The following ZNF423 variants were observed in gnomAD, a reference collection of about 807,000 sequenced individuals.
The protein encoded by ZNF423 is Ebf-associated zinc finger protein.
Under a neutral mutation model 95.8 loss-of-function variants are expected in ZNF423, and 12 were observed. The ratio of observed to expected loss-of-function variants is 0.13; its 90% CI spans 0.08 to 0.20. The LOEUF is 0.20. Ranked by LOEUF, ZNF423 falls within the 10% of genes least tolerant of loss-of-function variation. The probability of loss-of-function intolerance (pLI) is 1.00; values close to 1 mark genes in which losing one functional copy is unlikely to be tolerated. For synonymous variants in ZNF423, 749 were observed against 711.9 expected, an observed-to-expected ratio of 1.05 and a Z score of -0.83; for missense variants, 1,316 against 1,737.1, an observed-to-expected ratio of 0.76 and a Z score of 4.31.
At chr16:49,836,481 C>T (rs1390407980) in intron 1 of ZNF423, among the ~76,000 whole-genome samples, 1 of 152,090 alleles carries the variant, frequency 6.6e-6, no homozygotes, top group Non-Finnish European at 1.5e-5. Flanking sequence ...AAGATTCCGG[C>T]ATGGTGCTGG....
At chr16:49,575,376 A>G (rs1970464603) in intron 5 of ZNF423, among the ~76,000 whole-genome samples, 1 of 152,176 alleles carries the variant, frequency 6.6e-6, no homozygotes, top group South Asian at 2.1e-4. Context: ...AAACAAGCCC[A>G]ACGCAAAACT....
At chr16:49,582,310 G>A (rs1970699442) in intron 5 of ZNF423, among the ~76,000 whole-genome samples, 1 of 152,110 alleles carries the variant, frequency 6.6e-6, no homozygotes, top group African/African-American at 2.4e-5. Context: ...CAAACTCCAA[G>A]CCACTCTTCA....
chr16:49,823,648 G>GA (rs34244506), intron 1 of ZNF423, among the ~76,000 whole-genome samples: 1 of 150,936 alleles, frequency 6.6e-6, no homozygotes, highest in Non-Finnish European at 1.5e-5. Flanking sequence ...CTTGTTGGGG[G>GA]AAAAAAAAAG....
In ZNF423 at chr16:49,488,504, A is replaced by G. The variant is rs1249843536; in HGVS notation, c.*2771T>C. The G allele has an allele frequency of 6.6e-6, 1 of 152,166 alleles. No homozygotes were observed. Among genetic ancestry groups the G allele is most frequent in the Non-Finnish European group, 1.5e-5 (1 of 68,046 alleles). 9.4% of individuals were successfully genotyped at this position (152,166 alleles called of 1,614,324 possible). On this transcript the variant is annotated 3_prime_UTR_variant, in exon 8 of 8. Transcript: ENST00000563137. ...TTTCAGTCACCTCGCCCACTCCCCA[A>G]AGCCAAATCCAAATGAGAGGCTGAT...
intron 5 of ZNF423, among the ~76,000 whole-genome samples, chr16:49,571,598 C>G (rs931720195): frequency 1.3e-5 from 2 of 152,140 alleles, no homozygotes; most frequent in African/African-American, 4.8e-5. Flanking sequence ...CTGAGGGTCT[C>G]TACCTAAGGA....
At position 49,492,340 on chromosome 16, in the gene ZNF423, C is replaced by A. The variant is rs951762124; in HGVS notation, c.3850-1036G>T. ...CCCCGGGAGAGGCTCCTTCTGGGCGCCCCCCAGGGCCCGGCGACTCCTGCA... is the reference window on the plus strand; with the variant it reads ...CCCCGGGAGAGGCTCCTTCTGGGCGACCCCCAGGGCCCGGCGACTCCTGCA... On this transcript the variant is annotated intron_variant, in intron 7 of 7. Coordinates refer to ENST00000563137, the MANE Select transcript of ZNF423 (RefSeq NM_001379286.1). The surrounding 1 kb of genome is among the most constrained non-coding windows in gnomAD (Gnocchi z 4.2). Among the ~76,000 whole-genome samples, 1 of 152,294 alleles carries A rather than the reference C, an allele frequency of 6.6e-6. No homozygotes were observed. The highest frequency in any genetic ancestry group is 2.1e-4 in the South Asian group (1 of 4,830).
At chr16:49,677,315 G>GAAGAGAAGAGAA (rs1567284183) in intron 3 of ZNF423, among the ~76,000 whole-genome samples, 3 of 17,646 alleles carry the variant, frequency 1.7e-4, no homozygotes, top group Non-Finnish European at 4.1e-4. Flanking sequence ...AGAGAAAGGA[G>GAAGAGAAGAGAA]GGGAAGGGAG....
chr16:49,824,443 A>G (rs192180956), intron 1 of ZNF423, among the ~76,000 whole-genome samples: 259 of 152,058 alleles, frequency 1.7e-3, no homozygotes, highest in African/African-American at 4.4e-3. Flanking sequence ...GCAACTTCCA[A>G]TCATGCCAAT....
In ZNF423 at chr16:49,637,788, T is replaced by C; in HGVS notation, c.1388A>G (p.Asn463Ser). 1 of 1,613,924 alleles carries C rather than the reference T, an allele frequency of 6.2e-7. No individual in the cohort carries two copies. Among genetic ancestry groups the C allele is most frequent in the Non-Finnish European group, 8.5e-7 (1 of 1,179,998 alleles). ...ICLDSMPTLY[N>S]LNEHVRKLHK... ...CAGCTTGCGAACGTGCTCGTTGAGG[T>C]TGTAGAGGGTGGGCATGGAGTCCAG... is the stretch of plus-strand genomic sequence containing the variant. The change falls in exon 4 of 8, where the codon AAC (asparagine) becomes AGC (serine). Residue 463 changes from asparagine (N) to serine (S), a missense_variant. Physicochemically the swap from Asn to Ser is conservative, Grantham distance 46. This residue lies in a region of ZNF423 where 399 missense variants were observed against 478.5 expected (regional missense o/e 0.83). Transcript: ENST00000563137. The surrounding 1 kb of genome is among the most constrained non-coding windows in gnomAD (Gnocchi z 5.6).
chr16:49,640,304 C>T (rs563585446), intron 3 of ZNF423, among the ~76,000 whole-genome samples: 1 of 152,266 alleles, frequency 6.6e-6, no homozygotes, highest in South Asian at 2.1e-4. Context: ...TACATACACA[C>T]ACAACACCCA....
intron 3 of ZNF423, among the ~76,000 whole-genome samples, chr16:49,660,470 G>A (rs1426488587): frequency 1.3e-5 from 2 of 152,200 alleles, no homozygotes; most frequent in Non-Finnish European, 2.9e-5. Context: ...CCCCTGTAAG[G>A]TGGGGCCTAG....
chr16:49,646,201 C>T (rs1973163619), intron 3 of ZNF423, among the ~76,000 whole-genome samples: 1 of 152,202 alleles, frequency 6.6e-6, no homozygotes, highest in Non-Finnish European at 1.5e-5. Context: ...ATAAGAGCTG[C>T]AAGACCTGAA....
chr16:49,518,653 G>A (rs1244186373), intron 7 of ZNF423: 7 of 392,716 alleles, frequency 1.8e-5, no homozygotes, highest in Non-Finnish European at 3.4e-5. Context: ...ACAACTACTG[G>A]TCTGTTTTCT....
intron 4 of ZNF423, among the ~76,000 whole-genome samples, chr16:49,632,043 T>C (rs546201057): frequency 1.3e-5 from 2 of 152,284 alleles, no homozygotes; most frequent in South Asian, 2.1e-4. Context: ...ATCTGTTTAC[T>C]TGGCTGTAAA....
chr16:49,621,888 C>A (rs1972095817), intron 5 of ZNF423, among the ~76,000 whole-genome samples: 1 of 152,208 alleles, frequency 6.6e-6, no homozygotes, highest in African/African-American at 2.4e-5. Context: ...CCTCTTCTCC[C>A]CCTGCCCTGT....
At chr16:49,724,912 C>T (rs2032967153) in intron 3 of ZNF423, among the ~76,000 whole-genome samples, 1 of 152,160 alleles carries the variant, frequency 6.6e-6, no homozygotes, top group Non-Finnish European at 1.5e-5. Flanking sequence ...AACAAAGTCC[C>T]CCCTCTTGTT....
intron 3 of ZNF423, among the ~76,000 whole-genome samples, chr16:49,671,976 C>T (rs1367472069): frequency 2.6e-5 from 4 of 152,134 alleles, no homozygotes; most frequent in Non-Finnish European, 4.4e-5. Context: ...TGAGCCACCG[C>T]GCTCAGCCCA....
intron 7 of ZNF423, among the ~76,000 whole-genome samples, chr16:49,523,263 A>G (rs1325100203): frequency 6.6e-6 from 1 of 152,224 alleles, no homozygotes; most frequent in Non-Finnish European, 1.5e-5. Context: ...CCCAGGACCC[A>G]GCCACAAAGA....
chr16:49,680,752 G>A (rs1421105612), intron 3 of ZNF423, among the ~76,000 whole-genome samples: 2 of 152,238 alleles, frequency 1.3e-5, no homozygotes, highest in Non-Finnish European at 2.9e-5. Context: ...TTGCCTCACG[G>A]CTCTGCACCT....
Sources: gnomAD v4.1 joint callset for allele counts (sites outside exome capture counted in the v4.1 genomes callset) on GRCh38, gnomAD v4.1.1 for gene constraint, gnomAD v4.1.1 regional missense constraint, Gnocchi (gnomAD v3.1) non-coding constraint, MANE v1.5 for transcripts, NCBI Gene and HGNC (gene_info 2026-07-23, HGNC 2026-07-21) for gene names.